Variants in DEPDC1B observed in about 807,000 individuals in gnomAD.
DEPDC1B encodes the protein DEP domain containing 1B.
DEPDC1B carries 51 observed loss-of-function variants against 66.5 expected under a neutral mutation model. The ratio of observed to expected loss-of-function variants is 0.77; its 90% CI spans 0.61 to 0.97. The LOEUF is 0.97. Ranked by LOEUF, DEPDC1B falls within the 50% of genes least tolerant of loss-of-function variation. The probability of loss-of-function intolerance (pLI) is 0.00; values close to 1 mark genes in which losing one functional copy is unlikely to be tolerated. For synonymous variants in DEPDC1B, 226 were observed against 223.6 expected (o/e 1.01, Z -0.10); for missense variants, 552 against 637.1 (o/e 0.87, Z 1.44).
chr5:60,626,013 A>G (rs1469948574), intron 7 of DEPDC1B, among the ~76,000 whole-genome samples: 1 of 152,008 alleles, frequency 6.6e-6, no homozygotes, highest in Non-Finnish European at 1.5e-5. Context: ...TTTTATGGGA[A>G]TATCTTTTTT....
intron 2 of DEPDC1B, among the ~76,000 whole-genome samples, chr5:60,680,581 C>T (rs1408954577): frequency 6.6e-6 from 1 of 152,050 alleles, no homozygotes; most frequent in Non-Finnish European, 1.5e-5. Context: ...TCAAAATATA[C>T]AAAAAGAACC....
chr5:60,606,675 C>G lies in DEPDC1B; in HGVS notation c.899-819G>C, dbSNP rs77469722. Among the ~76,000 whole-genome samples the G allele has an allele frequency of 4.2e-3, 629 of 150,204 alleles. 6 individuals are homozygous for G. The highest frequency in any genetic ancestry group is 0.022 in the South Asian group (106 of 4,754). Reference sequence around the variant, plus strand: ...CGCCATGGTGGCACACACCAGTAGTCCTAGCTATTCAGGAAGCTGAAGGAG... The same window carrying G: ...CGCCATGGTGGCACACACCAGTAGTGCTAGCTATTCAGGAAGCTGAAGGAG... On this transcript the variant is annotated intron_variant, in intron 7 of 10. Transcript: ENST00000265036.
Position 60,677,324 on chromosome 5 carries a change from A to ACTCT in DEPDC1B, c.314+9637_314+9638insAGAG, listed in dbSNP as rs753946184. ...CACACACACACACACACACACACAC[A>ACTCT]CACTCTCTCTCTCTCTCTCTCTCTC... On this transcript the variant is annotated intron_variant, in intron 2 of 10. Transcript: ENST00000265036. 8.6e-3 allele frequency among the ~76,000 whole-genome samples: 674 copies of ACTCT among 78,686 alleles called. 2 individuals are homozygous for ACTCT. The highest frequency in any genetic ancestry group is 0.057 in the South Asian group (130 of 2,274). 51.6% of individuals were successfully genotyped at this position (78,686 alleles called of 152,430 possible).
chr5:60,668,085 T>TTATATATATATAAAATGGATATTG (rs1561384778), intron 2 of DEPDC1B, among the ~76,000 whole-genome samples: 5 of 45,008 alleles, frequency 1.1e-4, no homozygotes, highest in Non-Finnish European at 7.6e-5. Flanking sequence ...AATGGATATT[T>TTATATATATATAAAATGGATATTG]TATATATATA....
At chr5:60,620,336 A>G (rs1752672572) in intron 7 of DEPDC1B, among the ~76,000 whole-genome samples, 1 of 152,210 alleles carries the variant, frequency 6.6e-6, no homozygotes, top group East Asian at 1.9e-4. Context: ...AGCAACTACC[A>G]TCAGAGTGAA....
At chr5:60,603,826 C>CATATATATATATATATATATAT (rs34747463) in intron 8 of DEPDC1B, among the ~76,000 whole-genome samples, 158 of 146,072 alleles carry the variant, frequency 1.1e-3, no homozygotes, top group African/African-American at 2.9e-3. Context: ...TTTAAATATA[C>CATATATATATATATATATATAT]ATATATATAT....
chr5:60,619,788 A>G lies in DEPDC1B; in HGVS notation c.899-13932T>C, dbSNP rs530582209. ...TTTCTTTACAGAATTGGAAAAAACTACTTTAAAGTTCATATGGAACCAAAC... is the reference window on the plus strand; with the variant it reads ...TTTCTTTACAGAATTGGAAAAAACTGCTTTAAAGTTCATATGGAACCAAAC... On this transcript the variant is annotated intron_variant, in intron 7 of 10. Coordinates refer to ENST00000265036, the MANE Select transcript of DEPDC1B (RefSeq NM_018369.3). Among the ~76,000 whole-genome samples, 3 of 152,328 alleles carry G rather than the reference A, an allele frequency of 2.0e-5. No homozygotes were observed. The South Asian group carries it at 6.2e-4, about 32-fold the overall frequency.
chr5:60,619,779 GA>G, intron 7 of DEPDC1B, among the ~76,000 whole-genome samples: 1 of 152,038 alleles, frequency 6.6e-6, no homozygotes, highest in Non-Finnish European at 1.5e-5. Flanking sequence ...TACAGAATTG[GA>G]AAAAACTACT....
At position 60,667,887 on chromosome 5, in the gene DEPDC1B, GTAAAAAATGGATATTTTATATATA is replaced by G. The variant is rs1561384300; in HGVS notation, c.314+19051_314+19074del. Among the ~76,000 whole-genome samples the G allele has an allele frequency of 2.4e-3, 105 of 42,990 alleles. 14 individuals are homozygous for G. Among genetic ancestry groups the G allele is most frequent in the African/African-American group, 3.8e-3 (56 of 14,674 alleles). The allele number at this position is 42,990 out of a possible 152,430, so 28.2% of individuals were successfully genotyped here. On this transcript the variant is annotated intron_variant, in intron 2 of 10. Coordinates refer to ENST00000265036, the MANE Select transcript of DEPDC1B (RefSeq NM_018369.3). ...TAAAAAATGGATATTTTACATATAT[GTAAAAAATGGATATTTTATATATA>G]TAAAAAATGGATATTTTATATATAT...
At chr5:60,656,816 T>G (rs1168346350) in intron 2 of DEPDC1B, among the ~76,000 whole-genome samples, 1 of 152,110 alleles carries the variant, frequency 6.6e-6, no homozygotes, top group Non-Finnish European at 1.5e-5. Context: ...TCCCACCTGG[T>G]TCCTCCCTCA....
intron 7 of DEPDC1B, among the ~76,000 whole-genome samples, chr5:60,633,832 T>C (rs1410419226): frequency 1.3e-5 from 2 of 152,234 alleles, no homozygotes; most frequent in Non-Finnish European, 2.9e-5. Flanking sequence ...GAATCCTAAT[T>C]GAAAGTAATT....
chr5:60,668,663 T>A (rs1051071446), intron 2 of DEPDC1B, among the ~76,000 whole-genome samples: 2 of 152,118 alleles, frequency 1.3e-5, no homozygotes, highest in African/African-American at 4.8e-5. Flanking sequence ...CATTTCCAGA[T>A]GTGGAATTAG....
intron 2 of DEPDC1B, among the ~76,000 whole-genome samples, chr5:60,657,730 C>G (rs754038554): frequency 1.3e-5 from 2 of 152,208 alleles, no homozygotes; most frequent in Non-Finnish European, 2.9e-5. Flanking sequence ...AGATTCCTTC[C>G]TTCATCTCGA....
chr5:60,642,679 G>C (rs1753215647), intron 6 of DEPDC1B, 133 bp downstream of exon 6: 3 of 644,324 alleles, frequency 4.7e-6, no homozygotes, highest in Non-Finnish European at 8.2e-6. Context: ...TAAAAGCACA[G>C]TAGTCCCAAA....
At chr5:60,606,206 C>T (rs1752305999) in intron 7 of DEPDC1B, among the ~76,000 whole-genome samples, 1 of 152,120 alleles carries the variant, frequency 6.6e-6, no homozygotes, top group African/African-American at 2.4e-5. Flanking sequence ...TCCAAAATAG[C>T]AAGAACGTGA....
At chr5:60,608,456 T>G (rs1324555920) in intron 7 of DEPDC1B, among the ~76,000 whole-genome samples, 2 of 148,252 alleles carry the variant, frequency 1.3e-5, no homozygotes, top group African/African-American at 4.9e-5. Context: ...TTATATTATA[T>G]TTATTATATT....
chr5:60,644,429 ACT>A (rs1753261823), intron 5 of DEPDC1B, among the ~76,000 whole-genome samples: 1 of 152,026 alleles, frequency 6.6e-6, no homozygotes, highest in East Asian at 1.9e-4. Context: ...CTGAAAACTG[ACT>A]CTAACTCTTG....
At chr5:60,662,126 C>T (rs981244906) in intron 2 of DEPDC1B, among the ~76,000 whole-genome samples, 2 of 152,024 alleles carry the variant, frequency 1.3e-5, no homozygotes, top group Non-Finnish European at 2.9e-5. Flanking sequence ...TGGTGATTCA[C>T]GCCTGTAATC....
intron 6 of DEPDC1B, among the ~76,000 whole-genome samples, chr5:60,641,765 GA>G (rs1184298487): frequency 3.3e-5 from 5 of 151,918 alleles, no homozygotes; most frequent in African/African-American, 9.6e-5. Flanking sequence ...TGAGCAGGAA[GA>G]AAAAAAAGCA....
Sources: allele counts gnomAD v4.1 joint callset (sites outside exome capture counted in the v4.1 genomes callset), GRCh38; gene constraint gnomAD v4.1.1; transcripts MANE v1.5; gene names NCBI Gene and HGNC (gene_info 2026-07-23, HGNC 2026-07-21).